Variants in CTNNA1 observed in about 807,000 individuals in gnomAD.
CTNNA1 encodes the protein catenin alpha-1.
In CTNNA1, 37 loss-of-function variants were observed where a neutral mutation model predicts 98.4. That is an observed-to-expected ratio of 0.38 (90% CI 0.29 to 0.49). CTNNA1 has a LOEUF of 0.49. Ranked by LOEUF, CTNNA1 falls within the 20% of genes least tolerant of loss-of-function variation. The pLI, the probability that CTNNA1 is intolerant of heterozygous loss-of-function variation, is 0.95. For synonymous variants in CTNNA1, 404 were observed against 413.2 expected (o/e 0.98, Z 0.27); for missense variants, 761 against 1,147.2 (o/e 0.66, Z 4.86).
chr5:138,858,594 CTTTTTTTT>C (rs147487025), intron 7 of CTNNA1, among the ~76,000 whole-genome samples: 6 of 124,048 alleles, frequency 4.8e-5, no homozygotes, highest in Non-Finnish European at 8.4e-5. Flanking sequence ...TTTTCTTTTT[CTTTTTTTT>C]TTTTTTTTTT....
rs757524333 is a variant in CTNNA1 at position 138,858,482 on chromosome 5, C to T, written c.1063-27730C>T. ...CTGAAATGTACAAATCTTAAGTGTG[C>T]TATTGGTGAATTTCGATAAAGGCAC... is the stretch of plus-strand genomic sequence containing the variant. On this transcript the variant is annotated intron_variant, in intron 7 of 17. Coordinates refer to ENST00000302763, the MANE Select transcript of CTNNA1 (RefSeq NM_001903.5). Among the ~76,000 whole-genome samples the T allele has an allele frequency of 1.5e-3, 234 of 151,956 alleles. 1 individual carries two copies. Among genetic ancestry groups the T allele is most frequent in the Non-Finnish European group, 2.6e-3 (176 of 68,014 alleles).
At chr5:138,792,593 T>C (rs1756498800) in intron 3 of CTNNA1, among the ~76,000 whole-genome samples, 2 of 152,148 alleles carry the variant, frequency 1.3e-5, no homozygotes, top group South Asian at 2.1e-4. Context: ...TTGAAGAGCA[T>C]TGTGTGGGTG....
At chr5:138,808,858 C>G (rs907789695) in intron 3 of CTNNA1, among the ~76,000 whole-genome samples, 2 of 152,010 alleles carry the variant, frequency 1.3e-5, no homozygotes, top group East Asian at 1.9e-4. Context: ...GGACAAGACA[C>G]AACACTGGCC....
chr5:138,810,884 T>A (rs1286793994), intron 4 of CTNNA1, among the ~76,000 whole-genome samples: 1 of 146,678 alleles, frequency 6.8e-6, no homozygotes, highest in Non-Finnish European at 1.5e-5. Context: ...GAGGCGCCCC[T>A]CACCTCCCGC....
At chr5:138,800,882 G>T (rs1334266364) in intron 3 of CTNNA1, among the ~76,000 whole-genome samples, 1 of 151,926 alleles carries the variant, frequency 6.6e-6, no homozygotes, top group African/African-American at 2.4e-5. Context: ...TTCACAGTAT[G>T]TATCAGGCAG....
At chr5:138,882,882 G>T (rs1753237352) in intron 7 of CTNNA1, among the ~76,000 whole-genome samples, 1 of 152,236 alleles carries the variant, frequency 6.6e-6, no homozygotes, top group African/African-American at 2.4e-5. Context: ...AGGCTGGAGT[G>T]CAATGGCACA....
intron 17 of CTNNA1, 91 bp downstream of exon 17, chr5:138,932,803 C>T: frequency 6.7e-7 from 1 of 1,501,778 alleles, no homozygotes. Context: ...TAAACACCTG[C>T]CCTGGGAAAG....
intron 9 of CTNNA1, among the ~76,000 whole-genome samples, chr5:138,900,202 C>T (rs1037478274): frequency 6.6e-6 from 1 of 152,170 alleles, no homozygotes; most frequent in African/African-American, 2.4e-5. Context: ...ACATTCAGAT[C>T]ATTTTAAAGA....
At chr5:138,913,445 G>T (rs1761083632) in intron 10 of CTNNA1, among the ~76,000 whole-genome samples, 1 of 152,076 alleles carries the variant, frequency 6.6e-6, no homozygotes, top group African/African-American at 2.4e-5. Context: ...TTAGCCAGGT[G>T]TGGTGGCACA....
chr5:138,924,797 AAGG>A (rs1224031463), intron 12 of CTNNA1, 87 bp downstream of exon 12: 3 of 1,238,240 alleles, frequency 2.4e-6, no homozygotes, highest in South Asian at 1.4e-5. Flanking sequence ...TGTGGTGAGG[AAGG>A]AGGAGTTGGG....
intron 1 of CTNNA1, among the ~76,000 whole-genome samples, chr5:138,777,234 A>C: frequency 6.7e-6 from 1 of 150,080 alleles, no homozygotes; most frequent in African/African-American, 2.5e-5. Flanking sequence ...GGCGGGGCAG[A>C]GGCGCTCCCC....
intron 3 of CTNNA1, among the ~76,000 whole-genome samples, chr5:138,787,656 T>C (rs973899522): frequency 1.3e-5 from 2 of 152,232 alleles, no homozygotes; most frequent in African/African-American, 2.4e-5. Flanking sequence ...TATTATACTT[T>C]TGAGCCAAAA....
intron 7 of CTNNA1, among the ~76,000 whole-genome samples, chr5:138,846,399 CTG>C (rs1198254291): frequency 6.6e-6 from 1 of 152,150 alleles, no homozygotes; most frequent in Non-Finnish European, 1.5e-5. Flanking sequence ...AGTATATAAT[CTG>C]TATCAGTAGA....
chr5:138,829,258 T>C (rs184770696), intron 7 of CTNNA1, among the ~76,000 whole-genome samples: 1 of 152,322 alleles, frequency 6.6e-6, no homozygotes, highest in East Asian at 1.9e-4. Flanking sequence ...ATAGCTAAGA[T>C]TGAACATTAG....
At chr5:138,790,064 G>A (rs1050817878) in intron 3 of CTNNA1, among the ~76,000 whole-genome samples, 2 of 152,214 alleles carry the variant, frequency 1.3e-5, no homozygotes, top group Non-Finnish European at 2.9e-5. Context: ...GTGCAGGAAG[G>A]GTTAAAGTGA....
intron 7 of CTNNA1, among the ~76,000 whole-genome samples, chr5:138,850,673 C>A (rs1459235706): frequency 6.6e-6 from 1 of 152,170 alleles, no homozygotes; most frequent in Non-Finnish European, 1.5e-5. Flanking sequence ...TACTATTTCA[C>A]TGTAGTCTCT....
intron 5 of CTNNA1, among the ~76,000 whole-genome samples, chr5:138,821,244 A>AC (rs1760012106): frequency 6.6e-6 from 1 of 152,176 alleles, no homozygotes; most frequent in Non-Finnish European, 1.5e-5. Context: ...GTTGGCATCA[A>AC]CCTTAGATCC....
chr5:138,858,856 C>T (rs1763992490), intron 7 of CTNNA1, among the ~76,000 whole-genome samples: 1 of 152,214 alleles, frequency 6.6e-6, no homozygotes, highest in Non-Finnish European at 1.5e-5. Context: ...GCCTCGGCCT[C>T]CCAGGGTGCT....
chr5:138,809,114 C>A (rs969068508), intron 3 of CTNNA1, among the ~76,000 whole-genome samples: 1 of 152,132 alleles, frequency 6.6e-6, no homozygotes, highest in Admixed American at 6.5e-5. Context: ...CCTCACAAAG[C>A]GCCGAGATTG....
Sources: allele counts gnomAD v4.1 joint callset (sites outside exome capture counted in the v4.1 genomes callset), GRCh38; gene constraint gnomAD v4.1.1; transcripts MANE v1.5; gene names NCBI Gene and HGNC (gene_info 2026-07-23, HGNC 2026-07-21).